Variants in SLC41A1 observed in about 807,000 individuals in gnomAD.
The protein encoded by SLC41A1 is solute carrier family 41 (magnesium transporter), member 1.
A neutral mutation model predicts 47.3 loss-of-function variants in SLC41A1; 20 were observed. That is an observed-to-expected ratio of 0.42 (90% CI 0.30 to 0.61). The LOEUF is 0.61. Among genes scored for constraint, SLC41A1 ranks in the 20% least tolerant of loss-of-function variants. The pLI is 0.17. For synonymous variants in SLC41A1, 282 were observed against 272.7 expected (o/e 1.03, Z -0.34); for missense variants, 504 against 674.1 (o/e 0.75, Z 2.79).
intron 2 of SLC41A1, among the ~76,000 whole-genome samples, chr1:205,802,502 A>G (rs991061453): frequency 1.2e-4 from 18 of 152,068 alleles, no homozygotes; most frequent in African/African-American, 4.3e-4. Flanking sequence ...AGATCACCTG[A>G]GGCCAGGAGT....
intron 2 of SLC41A1, among the ~76,000 whole-genome samples, chr1:205,807,580 C>T (rs1558083348): frequency 6.6e-6 from 1 of 150,956 alleles, no homozygotes; most frequent in Non-Finnish European, 1.5e-5. Flanking sequence ...GAAGATAACG[C>T]TAATTAATCC....
intron 2 of SLC41A1, among the ~76,000 whole-genome samples, chr1:205,803,968 G>A (rs1048551307): frequency 3.9e-5 from 6 of 152,140 alleles, no homozygotes; most frequent in Non-Finnish European, 8.8e-5. Flanking sequence ...TGGAAGCAAG[G>A]CGCTGGGGGA....
Position 205,798,700 on chromosome 1 carries a change from T to A in SLC41A1, c.813A>T (p.Ser271=), listed in dbSNP as rs34934230. ...LGDLITLALL[S]GISWGLYLEL... ...CCAGGTAGAGTCCCCAGCTGATGCC[T>A]GAGAGCAGCGCCAAGGTGATGAGGT... Residue 271 remains serine (S), a synonymous_variant, in exon 6 of 11, where the codon TCA becomes TCT. Transcript: ENST00000367137. The A allele has an allele frequency of 3.3e-4, 540 of 1,614,134 alleles. 2 individuals are homozygous for A. In the African/African-American group the frequency reaches 5.4e-3, roughly 16 times the overall value.
chr1:205,804,201 G>A (rs1655958743), intron 2 of SLC41A1, among the ~76,000 whole-genome samples: 1 of 152,218 alleles, frequency 6.6e-6, no homozygotes, highest in African/African-American at 2.4e-5. Context: ...TTGAGACCAG[G>A]AGAGGCTGGG....
At position 205,810,550 on chromosome 1, in the gene SLC41A1, C is replaced by A; in HGVS notation, c.-109G>T. On this transcript the variant is annotated 5_prime_UTR_variant, in exon 2 of 11. Transcript: ENST00000367137. This position sits in a 1 kb window ranked among gnomAD's most constrained non-coding sequence, Gnocchi z 5.5. ...GTCTTGGGGTGAACCCAGGCTTGGG[C>A]GCCGCAGGACCTCTTCCCACGGCTC... 1 of 1,564,950 alleles carries A rather than the reference C, an allele frequency of 6.4e-7. No homozygotes were observed. Among genetic ancestry groups the A allele is most frequent in the Non-Finnish European group, 8.7e-7 (1 of 1,148,258 alleles).
rs1655773858 is a variant in SLC41A1 at position 205,797,380 on chromosome 1, C to T, written c.993-377G>A. ...GGCTCCTCCACAGGGAACCACCTCT[C>T]TCAAGCTCAGTGACTGTGGCTCAGG... On this transcript the variant is annotated intron_variant, in intron 7 of 10. Coordinates refer to ENST00000367137, the MANE Select transcript of SLC41A1 (RefSeq NM_173854.6). Among the ~76,000 whole-genome samples, 3 of 152,242 alleles carry T rather than the reference C, an allele frequency of 2.0e-5. No individual in the cohort carries two copies. The South Asian group carries it at 6.2e-4, about 32-fold the overall frequency.
chr1:205,808,944 G>C (rs548589480), intron 2 of SLC41A1, among the ~76,000 whole-genome samples: 1 of 152,322 alleles, frequency 6.6e-6, no homozygotes, highest in African/African-American at 2.4e-5. Flanking sequence ...ATATCACTAT[G>C]GTCTGTAGGG....
At chr1:205,803,745 G>C (rs760904368) in intron 2 of SLC41A1, among the ~76,000 whole-genome samples, 1 of 150,908 alleles carries the variant, frequency 6.6e-6, no homozygotes, top group African/African-American at 2.4e-5. Flanking sequence ...TCAGTCTCTC[G>C]GGTAGTTGGG....
intron 1 of SLC41A1, among the ~76,000 whole-genome samples, chr1:205,811,925 C>G (rs933898736): frequency 5.3e-5 from 8 of 152,202 alleles, no homozygotes; most frequent in Admixed American, 5.2e-4. Context: ...GTTAATTAGG[C>G]TCCTCCTGTT....
intron 2 of SLC41A1, 143 bp from the exon 3 acceptor site, chr1:205,801,203 C>T (rs1383323594): frequency 2.9e-6 from 2 of 681,676 alleles, no homozygotes; most frequent in South Asian, 1.6e-5. Flanking sequence ...CCTCCAAGAA[C>T]CTTGGAACCA....
chr1:205,809,823 G>A (rs1284659764), intron 2 of SLC41A1, among the ~76,000 whole-genome samples: 3 of 152,102 alleles, frequency 2.0e-5, no homozygotes, highest in Non-Finnish European at 4.4e-5. Context: ...GCCTGAGCTC[G>A]GGAGCCAATT....
At chr1:205,799,927 G>A in intron 3 of SLC41A1, 97 bp from the exon 4 acceptor site, 1 of 1,030,738 alleles carries the variant, frequency 9.7e-7, no homozygotes, top group Non-Finnish European at 1.5e-6. Context: ...CAGTACATGT[G>A]GCCTAAGACT....
At chr1:205,803,632 C>CTTTTTT (rs140199204) in intron 2 of SLC41A1, among the ~76,000 whole-genome samples, 2 of 121,034 alleles carry the variant, frequency 1.7e-5, no homozygotes, top group African/African-American at 2.9e-5. Context: ...TAGTCAAATT[C>CTTTTTT]TTTTTTTTTT....
Position 205,798,756 on chromosome 1 carries a change from C to T in SLC41A1, c.757G>A (p.Val253Met), listed in dbSNP as rs1341782720. The change falls in exon 6 of 11, where the codon GTG becomes ATG. Residue 253 changes from valine (V) to methionine (M), a missense_variant. Val to Met is a conservative substitution (Grantham distance 21). Around this residue, in one of 2 missense-constraint regions of SLC41A1, gnomAD observed 421 missense variants for 601.6 expected, o/e 0.70. Transcript: ENST00000367137. The stretch of plus-strand genomic sequence containing the variant: ...AGGCTGGCAGCAATGGGTGTGGCCA[C>T]GTTGTCTGGGTTGATCCCAATCTTG... ...SRKIGINPDN[V>M]ATPIAASLGD... The T allele has an allele frequency of 1.9e-6, 3 of 1,613,972 alleles. No homozygotes were observed. The highest frequency in any genetic ancestry group is 1.3e-5 in the African/African-American group (1 of 74,886).
At chr1:205,800,329 T>C (rs1655850605) in intron 3 of SLC41A1, among the ~76,000 whole-genome samples, 1 of 152,184 alleles carries the variant, frequency 6.6e-6, no homozygotes, top group Admixed American at 6.5e-5. Flanking sequence ...GTCTGTCACC[T>C]TCTCTAGACT....
chr1:205,795,387 A>G lies in SLC41A1; in HGVS notation c.1164T>C (p.Ala388=), dbSNP rs1558078962. Residue 388 remains alanine (A), a synonymous_variant, in exon 9 of 11, where the codon GCT becomes GCC. Coordinates refer to ENST00000367137, the MANE Select transcript of SLC41A1 (RefSeq NM_173854.6). ...NGMPGENSEQ[A]PRRCPSPCTT... is the part of the protein sequence containing the mutation. Reference sequence around the variant, plus strand: ...TACAAGGACTGGGACAGCGGCGAGGAGCTTGCTCAGAGTTCTCTCCGGGCA... The same window carrying G: ...TACAAGGACTGGGACAGCGGCGAGGGGCTTGCTCAGAGTTCTCTCCGGGCA... The G allele has an allele frequency of 1.2e-6, 2 of 1,614,158 alleles. No individual in the cohort carries two copies. The highest frequency in any genetic ancestry group is 2.2e-5 in the South Asian group (2 of 91,076).
chr1:205,805,141 C>T (rs1655986631), intron 2 of SLC41A1, among the ~76,000 whole-genome samples: 1 of 151,984 alleles, frequency 6.6e-6, no homozygotes, highest in African/African-American at 2.4e-5. Context: ...AGCCCCTATG[C>T]AAAAGTCTTC....
At chr1:205,805,744 G>A (rs1656001682) in intron 2 of SLC41A1, among the ~76,000 whole-genome samples, 1 of 152,138 alleles carries the variant, frequency 6.6e-6, no homozygotes, top group Non-Finnish European at 1.5e-5. Flanking sequence ...AATGAATCCT[G>A]AGGCACAGCA....
chr1:205,796,646 C>A (rs1655756947), intron 8 of SLC41A1: 4 of 519,822 alleles, frequency 7.7e-6, no homozygotes, highest in Non-Finnish European at 1.0e-5. Context: ...GTATTCTGTT[C>A]TAGCAACAGA....
Sources: gnomAD v4.1 joint callset for allele counts (sites outside exome capture counted in the v4.1 genomes callset) on GRCh38, gnomAD v4.1.1 for gene constraint, gnomAD v4.1.1 regional missense constraint, Gnocchi (gnomAD v3.1) non-coding constraint, MANE v1.5 for transcripts, NCBI Gene and HGNC (gene_info 2026-07-23, HGNC 2026-07-21) for gene names.